Variants in TJP1 observed in about 807,000 individuals in gnomAD.
The protein encoded by TJP1 is tight junction protein ZO-1.
A neutral mutation model predicts 194.2 loss-of-function variants in TJP1; 43 were observed. The observed-to-expected ratio is 0.22, with a 90% CI of 0.17 to 0.29. The LOEUF is 0.29. TJP1 is among the 10% of genes least tolerant of loss of function. TJP1 has a pLI of 1.00. For synonymous variants in TJP1, 801 were observed against 779.0 expected, an observed-to-expected ratio of 1.03 and a Z score of -0.47; for missense variants, 1,971 against 2,185.7, an observed-to-expected ratio of 0.90 and a Z score of 1.96.
intron 2 of TJP1, among the ~76,000 whole-genome samples, chr15:29,920,176 G>C (rs4779677): frequency 2.0e-5 from 3 of 152,050 alleles, no homozygotes; most frequent in Admixed American, 6.5e-5. Flanking sequence ...ACTCTCACTG[G>C]GGCCTGCTTC....
At chr15:29,815,817 G>A (rs1279869467) in intron 1 of TJP1, among the ~76,000 whole-genome samples, 1 of 152,062 alleles carries the variant, frequency 6.6e-6, no homozygotes, top group African/African-American at 2.4e-5. Context: ...GTTTACATTT[G>A]GTCTCTAAAC....
At chr15:29,703,352 C>T (rs942738188) in intron 27 of TJP1, among the ~76,000 whole-genome samples, 3 of 151,922 alleles carry the variant, frequency 2.0e-5, no homozygotes, top group Non-Finnish European at 4.4e-5. Flanking sequence ...GCAGGAGAAT[C>T]GCTTGAAGCT....
intron 2 of TJP1, among the ~76,000 whole-genome samples, chr15:29,932,451 C>T (rs28407358): frequency 7.9e-5 from 12 of 151,660 alleles, no homozygotes; most frequent in Non-Finnish European, 1.5e-4. Flanking sequence ...AAAGCAATCT[C>T]TACTTCTTGC....
chr15:29,935,523 T>G (rs1435217871), intron 2 of TJP1, among the ~76,000 whole-genome samples: 78 of 152,166 alleles, frequency 5.1e-4, no homozygotes, highest in Non-Finnish European at 5.9e-5. Context: ...CTTCACCACC[T>G]ATGGTCATTA....
At chr15:29,936,925 T>C (rs905741356) in intron 2 of TJP1, among the ~76,000 whole-genome samples, 2 of 152,194 alleles carry the variant, frequency 1.3e-5, no homozygotes, top group Non-Finnish European at 2.9e-5. Context: ...CCCTTGTTTC[T>C]TGTTTCCTTT....
intron 2 of TJP1, among the ~76,000 whole-genome samples, chr15:29,915,745 TGAA>T (rs1429484431): frequency 6.6e-6 from 1 of 152,126 alleles, no homozygotes; most frequent in African/African-American, 2.4e-5. Flanking sequence ...TTTTAGATAT[TGAA>T]GATCATTTCA....
intron 2 of TJP1, among the ~76,000 whole-genome samples, chr15:29,898,754 T>C (rs2152189305): frequency 6.6e-6 from 1 of 152,338 alleles, no homozygotes; most frequent in Middle Eastern, 3.4e-3. Flanking sequence ...GTTAGGTATC[T>C]GCAAATATTC....
chr15:29,949,143 T>TCACCACCTCCATTACTACCTCCACCAC (rs2055403272), intron 2 of TJP1, among the ~76,000 whole-genome samples: 1 of 52,820 alleles, frequency 1.9e-5, no homozygotes, highest in Non-Finnish European at 4.0e-5. Flanking sequence ...ACCTCCACCT[T>TCACCACCTCCATTACTACCTCCACCAC]CACCACCTCC....
intron 2 of TJP1, among the ~76,000 whole-genome samples, chr15:29,943,543 G>C (rs942808159): frequency 9.7e-5 from 14 of 144,436 alleles, no homozygotes; most frequent in African/African-American, 3.6e-4. Context: ...CAGGAGAATT[G>C]CTGGAACTGG....
chr15:29,785,024 T>C (rs145199742), intron 2 of TJP1, among the ~76,000 whole-genome samples: 150 of 152,322 alleles, frequency 9.8e-4, no homozygotes, highest in African/African-American at 3.4e-3. Context: ...CCCAAGGGGT[T>C]TTCAAAAGAA....
chr15:29,795,416 C>CA (rs1221313122), intron 2 of TJP1, among the ~76,000 whole-genome samples: 9,458 of 100,598 alleles, frequency 0.094, 385 homozygotes, highest in Middle Eastern at 0.2. Context: ...GACTCTGTCT[C>CA]AAAAAAAAAA....
rs1432641195 is a variant in TJP1, at chr15:29,718,472, G to C, written c.3670C>G (p.Pro1224Ala). The change falls in exon 21 of 28, where the codon CCT (proline) becomes GCT (alanine). Residue 1224 changes from proline to alanine, a missense_variant. Around this residue, in one of 5 missense-constraint regions of TJP1, gnomAD observed 1,108 missense variants for 1,128.5 expected, o/e 0.98. Coordinates refer to ENST00000614355, the MANE Select transcript of TJP1 (RefSeq NM_001330239.4). ...TGCTGAGATGAAGGTATCAGCGGAG[G>C]GACAGCTGCAGCACCATGGAGAGGC... is the stretch of plus-strand genomic sequence containing the variant. ...FEPLHGAAAV[P>A]PLIPSSQHKP... 6 of 1,614,016 alleles carry C rather than the reference G, an allele frequency of 3.7e-6. No individual in the cohort carries two copies. The highest frequency in any genetic ancestry group is 5.1e-6 in the Non-Finnish European group (6 of 1,180,040).
At chr15:29,875,815 C>T (rs576118248) in intron 2 of TJP1, among the ~76,000 whole-genome samples, 41 of 152,126 alleles carry the variant, frequency 2.7e-4, no homozygotes, top group African/African-American at 8.9e-4. Flanking sequence ...CTGCCCGCCT[C>T]GGCCTCCCAA....
chr15:29,816,433 G>T (rs906602893), intron 1 of TJP1, among the ~76,000 whole-genome samples: 1 of 152,146 alleles, frequency 6.6e-6, no homozygotes, highest in Non-Finnish European at 1.5e-5. Flanking sequence ...TGAAACAAAT[G>T]TAAGAGTTGT....
chr15:29,706,788 T>C (rs933145881), intron 25 of TJP1, among the ~76,000 whole-genome samples: 3 of 151,976 alleles, frequency 2.0e-5, no homozygotes, highest in African/African-American at 7.2e-5. Context: ...AGCTTCTGAG[T>C]AGCTAGGATT....
intron 1 of TJP1, among the ~76,000 whole-genome samples, chr15:29,960,635 C>CA (rs3085441): frequency 0.026 from 3,044 of 117,834 alleles, 109 homozygotes; most frequent in African/African-American, 0.08. Context: ...GACCATGTCT[C>CA]AAAAAAAAAA....
intron 9 of TJP1, 29 bp from the exon 10 acceptor site, chr15:29,741,465 AC>A: frequency 6.8e-7 from 1 of 1,480,926 alleles, no homozygotes. Flanking sequence ...AGTAGGACTC[AC>A]TTTAGAAAAA....
At chr15:29,844,116 T>C (rs2051324912) in intron 2 of TJP1, among the ~76,000 whole-genome samples, 1 of 152,170 alleles carries the variant, frequency 6.6e-6, no homozygotes, top group Non-Finnish European at 1.5e-5. Flanking sequence ...GGAGTCTCCC[T>C]CTGTCTCCCA....
intron 8 of TJP1, among the ~76,000 whole-genome samples, chr15:29,744,606 A>G (rs2044643306): frequency 6.6e-6 from 1 of 152,202 alleles, no homozygotes; most frequent in Non-Finnish European, 1.5e-5. Context: ...ATATGGTTTT[A>G]CAGCTGCATT....
Sources: gnomAD v4.1 joint callset for allele counts (sites outside exome capture counted in the v4.1 genomes callset) on GRCh38, gnomAD v4.1.1 for gene constraint, gnomAD v4.1.1 regional missense constraint, MANE v1.5 for transcripts, NCBI Gene and HGNC (gene_info 2026-07-23, HGNC 2026-07-21) for gene names.